The following ACOX1 variants were observed in gnomAD, a reference collection of about 807,000 sequenced individuals.
The protein encoded by ACOX1 is acyl-CoA oxidase 1, also known as peroxisomal acyl-coenzyme A oxidase 1.
ACOX1 carries 41 observed loss-of-function variants against 75.5 expected under a neutral mutation model. The observed-to-expected ratio is 0.54, with a 90% CI of 0.42 to 0.70. ACOX1 has a LOEUF of 0.70. Among genes scored for constraint, ACOX1 ranks in the 30% least tolerant of loss-of-function variants. ACOX1 has a pLI of 0.00. For missense variants in ACOX1, 630 were observed against 837.5 expected (o/e 0.75, Z 3.06); for synonymous variants, 303 against 298.8 (o/e 1.01, Z -0.15).
At chr17:75,958,271 T>G (rs1291655875) in intron 3 of ACOX1, among the ~76,000 whole-genome samples, 1 of 147,804 alleles carries the variant, frequency 6.8e-6, no homozygotes, top group Non-Finnish European at 1.5e-5. Context: ...GAGAATTGCT[T>G]GAACCCGGGA....
intron 2 of ACOX1, among the ~76,000 whole-genome samples, chr17:75,965,337 C>CAAAAAAAAAAAAAAAAACAAAA (rs2065921470): frequency 1.2e-5 from 1 of 81,710 alleles, no homozygotes; most frequent in Non-Finnish European, 2.6e-5. Flanking sequence ...GACTCTGTCT[C>CAAAAAAAAAAAAAAAAACAAAA]AAAAAAAAAA....
intron 7 of ACOX1, 75 bp downstream of exon 7, chr17:75,953,376 T>G: frequency 6.4e-7 from 1 of 1,558,756 alleles, no homozygotes; most frequent in Non-Finnish European, 8.8e-7. Context: ...TGTATTGACA[T>G]TTGGGAATTC....
At chr17:75,963,807 G>A (rs1176275432) in intron 2 of ACOX1, among the ~76,000 whole-genome samples, 2 of 151,854 alleles carry the variant, frequency 1.3e-5, no homozygotes, top group African/African-American at 4.8e-5. Context: ...TGTCACCACT[G>A]GTAGAGACTC....
chr17:75,961,140 A>G (rs1041804646), intron 2 of ACOX1, among the ~76,000 whole-genome samples: 15 of 151,282 alleles, frequency 9.9e-5, no homozygotes, highest in African/African-American at 3.6e-4. Flanking sequence ...TAAAAATACA[A>G]AAATTAAGCA....
At position 75,953,503 on chromosome 17, in the gene ACOX1, T is replaced by C. The variant is rs751731911; in HGVS notation, c.892A>G (p.Thr298Ala). 5 of 1,614,016 alleles carry C rather than the reference T, an allele frequency of 3.1e-6. No homozygotes were observed. The highest frequency in any genetic ancestry group is 1.1e-5 in the South Asian group (1 of 91,084). Reference sequence around the variant, plus strand: ...ACAGCGCTGTATCGGATGGCAATGGTGCACGCCTTAGACAGAGCCCGAGCA... The same window carrying C: ...ACAGCGCTGTATCGGATGGCAATGGCGCACGCCTTAGACAGAGCCCGAGCA... ...EAARALSKAC[T>A]IAIRYSAVRH... is the part of the protein sequence containing the mutation. Residue 298 changes from threonine to alanine, a missense_variant, in exon 7 of 14, where the codon ACC becomes GCC. Around this residue, in one of 2 missense-constraint regions of ACOX1, gnomAD observed 390 missense variants for 574.9 expected, o/e 0.68. Coordinates refer to ENST00000293217, the MANE Select transcript of ACOX1 (RefSeq NM_004035.7).
chr17:75,948,218 T>G, intron 13 of ACOX1, 33 bp downstream of exon 13: 3 of 1,610,026 alleles, frequency 1.9e-6, no homozygotes, highest in Non-Finnish European at 2.6e-6. Flanking sequence ...AAGTGAAGAC[T>G]TTTAAAAAGG....
rs767481940 is a variant in ACOX1, at chr17:75,953,471, G to C, written c.924C>G (p.His308Gln). 1 of 1,613,968 alleles carries C rather than the reference G, an allele frequency of 6.2e-7. No individual in the cohort carries two copies. The highest frequency in any genetic ancestry group is 1.7e-5 in the Admixed American group (1 of 60,004). ...TIAIRYSAVR[H>Q]QSEIKPGEPE... ...CTTACCCTGGCTTGATTTCAGACTG[G>C]TGCCTCACAGCGCTGTATCGGATGG... is the stretch of plus-strand genomic sequence containing the variant. The change falls in exon 7 of 14, where the codon CAC (histidine) becomes CAG (glutamine). Residue 308 changes from histidine to glutamine, a missense_variant. This residue lies in a region of ACOX1 where 390 missense variants were observed against 574.9 expected (regional missense o/e 0.68). Transcript: ENST00000293217.
chr17:75,951,556 C>T lies in ACOX1; in HGVS notation c.966G>A (p.Leu322=), dbSNP rs762257681. The change falls in exon 8 of 14, where the codon TTG becomes TTA. Residue 322 remains leucine, a synonymous_variant. Coordinates refer to ENST00000293217, the MANE Select transcript of ACOX1 (RefSeq NM_004035.7). ...IKPGEPEPQI[L]DFQTQQYKLF... ...GTTTATACTGCTGGGTTTGAAAATCCAAAATCTGTGGTTCTGGTTCACTAC... is the reference window on the plus strand; with the variant it reads ...GTTTATACTGCTGGGTTTGAAAATCTAAAATCTGTGGTTCTGGTTCACTAC... 2 of 1,614,010 alleles carry T rather than the reference C, an allele frequency of 1.2e-6. No homozygotes were observed. The highest frequency in any genetic ancestry group is 2.2e-5 in the South Asian group (2 of 91,068).
intron 2 of ACOX1, among the ~76,000 whole-genome samples, chr17:75,977,878 C>T (rs1486854718): frequency 6.6e-6 from 1 of 152,078 alleles, no homozygotes; most frequent in Non-Finnish European, 1.5e-5. Context: ...AGCAGTCCTC[C>T]TTACAAAGAG....
chr17:75,951,607 G>GT, intron 7 of ACOX1, 30 bp from the exon 8 acceptor site: 1 of 1,610,908 alleles, frequency 6.2e-7, no homozygotes, highest in Admixed American at 1.7e-5. Flanking sequence ...AAAAAAAGTA[G>GT]TAAGTAAATG....
At position 75,978,398 on chromosome 17, in the gene ACOX1, T is replaced by C; in HGVS notation, c.269+136A>G. On this transcript the variant is annotated intron_variant, in intron 2 of 13. Transcript: ENST00000293217. The surrounding 1 kb of genome is among the most constrained non-coding windows in gnomAD (Gnocchi z 4.2). ...GTGAGCCACCGCGCCCGGCCACACA[T>C]ATAACTTTATAAAGTTGCATGAAAA... is the stretch of plus-strand genomic sequence containing the variant. The C allele has an allele frequency of 1.6e-6, 2 of 1,267,584 alleles. No individual in the cohort carries two copies. Among genetic ancestry groups the C allele is most frequent in the African/African-American group, 1.5e-5 (1 of 68,112 alleles). The allele number at this position is 1,267,584 out of a possible 1,614,324, so 78.5% of individuals were successfully genotyped here.
intron 12 of ACOX1, among the ~76,000 whole-genome samples, chr17:75,948,688 G>A (rs1025872607): frequency 6.6e-6 from 1 of 151,456 alleles, no homozygotes; most frequent in Non-Finnish European, 1.5e-5. Flanking sequence ...CCAAATAGCT[G>A]GAATTACAGG....
At chr17:75,976,991 C>CTTTTTTTTTTTTTTTTTTT (rs1019883355) in intron 2 of ACOX1, among the ~76,000 whole-genome samples, 1 of 78,902 alleles carries the variant, frequency 1.3e-5, no homozygotes, top group African/African-American at 5.1e-5. Context: ...GCAAAAAAGT[C>CTTTTTTTTTTTTTTTTTTT]TTTTTTTTTT....
intron 2 of ACOX1, among the ~76,000 whole-genome samples, chr17:75,965,337 C>CAAAAAA (rs11293371): frequency 1.2e-5 from 1 of 81,710 alleles, no homozygotes; most frequent in East Asian, 4.2e-4. Flanking sequence ...GACTCTGTCT[C>CAAAAAA]AAAAAAAAAA....
intron 7 of ACOX1, among the ~76,000 whole-genome samples, chr17:75,953,029 A>T (rs1173578563): frequency 6.6e-6 from 1 of 152,038 alleles, no homozygotes; most frequent in Non-Finnish European, 1.5e-5. Flanking sequence ...AGTGAAAGGC[A>T]GTTGTAGGAA....
At chr17:75,967,945 G>T (rs958485991) in intron 2 of ACOX1, among the ~76,000 whole-genome samples, 8 of 149,802 alleles carry the variant, frequency 5.3e-5, no homozygotes, top group Admixed American at 5.3e-4. Flanking sequence ...CACCATGTTG[G>T]CCAGACTGGT....
At chr17:75,968,630 A>T (rs948553670) in intron 2 of ACOX1, among the ~76,000 whole-genome samples, 1 of 142,806 alleles carries the variant, frequency 7.0e-6, no homozygotes, top group Non-Finnish European at 1.5e-5. Context: ...AAAAAGAAAT[A>T]TATTAAAGTA....
At chr17:75,971,226 G>A (rs1412370711) in intron 2 of ACOX1, among the ~76,000 whole-genome samples, 4 of 151,768 alleles carry the variant, frequency 2.6e-5, no homozygotes, top group East Asian at 1.9e-4. Flanking sequence ...GGGAGGCGGA[G>A]GTTGCGGGGA....
chr17:75,947,145 C>T (rs936912999), intron 13 of ACOX1, among the ~76,000 whole-genome samples: 7 of 152,090 alleles, frequency 4.6e-5, no homozygotes, highest in Admixed American at 3.3e-4. Context: ...GCTAGGATTA[C>T]AGGCGTGAGC....
Sources: allele counts gnomAD v4.1 joint callset (sites outside exome capture counted in the v4.1 genomes callset), GRCh38; gene constraint gnomAD v4.1.1; regional missense constraint gnomAD v4.1.1; non-coding constraint Gnocchi (gnomAD v3.1); transcripts MANE v1.5; gene names NCBI Gene and HGNC (gene_info 2026-07-23, HGNC 2026-07-21).